Variants in NACAD observed in about 807,000 individuals in gnomAD.
NACAD encodes the protein NAC alpha domain containing.
A neutral mutation model predicts 98.9 loss-of-function variants in NACAD; 47 were observed. The observed-to-expected ratio is 0.48, with a 90% CI of 0.38 to 0.61. NACAD has a LOEUF of 0.61. Among genes scored for constraint, NACAD ranks in the 20% least tolerant of loss-of-function variants. The pLI, the probability that NACAD is intolerant of heterozygous loss-of-function variation, is 0.00. For synonymous variants in NACAD, 696 were observed against 767.2 expected, an observed-to-expected ratio of 0.91 and a Z score of 1.53; for missense variants, 1,412 against 1,748.2, an observed-to-expected ratio of 0.81 and a Z score of 3.43.
Position 45,084,663 on chromosome 7 carries a change from G to A in NACAD, c.1517C>T (p.Ala506Val). 6.4e-7 allele frequency: 1 copy of A among 1,551,422 alleles called. No homozygotes were observed. Among genetic ancestry groups the A allele is most frequent in the Non-Finnish European group, 8.7e-7 (1 of 1,146,944 alleles). The change falls in exon 2 of 8, where the codon GCT becomes GTT. Residue 506 changes from alanine to valine, a missense_variant. Ala to Val is a moderately conservative substitution (Grantham distance 64). This residue lies in a region of NACAD where 638 missense variants were observed against 722.7 expected (regional missense o/e 0.88). Coordinates refer to ENST00000490531, the MANE Select transcript of NACAD (RefSeq NM_001146334.2). ...GGTGGAGTCTGTTTCTTCCTCCCCA[G>A]CCTGTGGGGTCACTCTGGTAGCCAC... ...VEVATRVTPQ[A>V]GEEETDSTAG...
In NACAD at chr7:45,082,913, C is replaced by G. The variant is rs888003278; in HGVS notation, c.3267G>C (p.Gln1089His). 20 of 1,551,032 alleles carry G rather than the reference C, an allele frequency of 1.3e-5. No individual in the cohort carries two copies. Among genetic ancestry groups the G allele is most frequent in the Non-Finnish European group, 1.7e-5 (19 of 1,147,018 alleles). The change falls in exon 2 of 8, where the codon CAG becomes CAC. Residue 1089 changes from glutamine to histidine, a missense_variant. Physicochemically the swap from Gln to His is conservative, Grantham distance 24. This residue lies in a region of NACAD where 572 missense variants were observed against 639.6 expected (regional missense o/e 0.89). Coordinates refer to ENST00000490531, the MANE Select transcript of NACAD (RefSeq NM_001146334.2). The surrounding 1 kb of genome is among the most constrained non-coding windows in gnomAD (Gnocchi z 4.5). ...QQEGGLKPLA[Q>H]EHGPRSALGG... Reference sequence around the variant, plus strand: ...CAAGTGCTGACCTGGGTCCATGTTCCTGTGCCAGTGGCTTCAGGCCTCCTT... The same window carrying G: ...CAAGTGCTGACCTGGGTCCATGTTCGTGTGCCAGTGGCTTCAGGCCTCCTT...
At position 45,080,925 on chromosome 7, in the gene NACAD, G is replaced by T; in HGVS notation, c.4502C>A (p.Pro1501His). The stretch of plus-strand genomic sequence containing the variant: ...TTCCTTGCACTCCAGCCTCACCCGG[G>T]GCCTGGGTGCTGACTCAGGGACCAA... Reference protein sequence around the residue: ...SALVPESAPRPRVRLECKEEE... With the variant: ...SALVPESAPRHRVRLECKEEE... The change falls in exon 6 of 8, where the codon CCC (proline) becomes CAC (histidine). Residue 1501 changes from proline to histidine, a missense_variant. Around this residue, in one of 5 missense-constraint regions of NACAD, gnomAD observed 88 missense variants for 105.4 expected, o/e 0.84. Transcript: ENST00000490531. 6.4e-7 allele frequency: 1 copy of T among 1,554,186 alleles called. No homozygotes were observed.
In NACAD at chr7:45,082,869, G is replaced by A. The variant is rs1784455839; in HGVS notation, c.3311C>T (p.Pro1104Leu). 1 of 1,550,346 alleles carries A rather than the reference G, an allele frequency of 6.5e-7. No homozygotes were observed. Among genetic ancestry groups the A allele is most frequent in the African/African-American group, 1.4e-5 (1 of 73,152 alleles). The change falls in exon 2 of 8, where the codon CCC becomes CTC. Residue 1104 changes from proline (P) to leucine (L), a missense_variant. Transcript: ENST00000490531. This position sits in a 1 kb window ranked among gnomAD's most constrained non-coding sequence, Gnocchi z 4.5. Reference sequence around the variant, plus strand: ...AGGGCAGGCAGCAGGAGGCGCATCGGGGACCTCCCTTGCACCTCCAAGTGC... The same window carrying A: ...AGGGCAGGCAGCAGGAGGCGCATCGAGGACCTCCCTTGCACCTCCAAGTGC... ...RSALGGAREV[P>L]DAPPAACPEV...
Position 45,085,445 on chromosome 7 carries a change from C to T in NACAD, c.735G>A (p.Leu245=), listed in dbSNP as rs555125460. ...ACAGGCCCCAGCCTGAGGGGAAGTC[C>T]AGCCCTTCAGCCGGAGCCAGCAGGC... The part of the protein sequence containing the change: ...SLSLLAPAEG[L]DFPSGWGLSP... The change falls in exon 2 of 8, where the codon CTG becomes CTA. Residue 245 remains leucine (L), a synonymous_variant. Coordinates refer to ENST00000490531, the MANE Select transcript of NACAD (RefSeq NM_001146334.2). The surrounding 1 kb of genome is among the most constrained non-coding windows in gnomAD (Gnocchi z 6.1). The T allele has an allele frequency of 5.8e-5, 90 of 1,549,010 alleles. No individual in the cohort carries two copies. The South Asian group carries it at 1.0e-3, about 18-fold the overall frequency.
In NACAD at chr7:45,081,037, A is replaced by G. The variant is rs1272100498; in HGVS notation, c.4405-15T>C. Reference sequence around the variant, plus strand: ...AGGTCCTCAATCTGCAAAATGGAAGACAGCTGTGTCAGTAGAGCCTGTCCC... The same window carrying G: ...AGGTCCTCAATCTGCAAAATGGAAGGCAGCTGTGTCAGTAGAGCCTGTCCC... On this transcript the variant is annotated splice_polypyrimidine_tract_variant and intron_variant, in intron 5 of 7. Transcript: ENST00000490531. The G allele has an allele frequency of 6.4e-7, 1 of 1,551,146 alleles. No individual in the cohort carries two copies. Among genetic ancestry groups the G allele is most frequent in the African/African-American group, 1.4e-5 (1 of 73,034 alleles).
At chr7:45,081,712 T>G in intron 3 of NACAD, 40 bp from the exon 4 acceptor site, 1 of 1,550,984 alleles carries the variant, frequency 6.4e-7, no homozygotes, top group Non-Finnish European at 8.7e-7. Flanking sequence ...GGGTGGGGTG[T>G]GGGGCCCTCC....
chr7:45,081,292 G>T, intron 4 of NACAD, 29 bp from the exon 5 acceptor site: 3 of 1,549,110 alleles, frequency 1.9e-6, no homozygotes, highest in South Asian at 2.4e-5. Flanking sequence ...GGGGGGCTCA[G>T]ACCTGGTGTT....
Position 45,082,180 on chromosome 7 carries a change from GC to G in NACAD, c.3999del (p.Gln1335ArgfsTer169). 6.6e-7 allele frequency: 1 copy of G among 1,521,964 alleles called. No individual in the cohort carries two copies. The highest frequency in any genetic ancestry group is 8.8e-7 in the Non-Finnish European group (1 of 1,131,830). 94.3% of individuals were successfully genotyped at this position (1,521,964 alleles called of 1,614,324 possible). A position where few individuals can be genotyped will look rare whatever the true frequency, so the allele number is the denominator to read the frequency against. The stretch of plus-strand genomic sequence containing the variant: ...CCTTGAGGGCCAGCTGGGCTCTGGG[GC>G]CCAGAGGGAGGAGGCACTTGGCAAG... ...LPPCQVPPPS[G>X]PQSPAGPQGL... On this transcript the variant is annotated frameshift_variant, in exon 2 of 8. Transcript: ENST00000490531. LOFTEE classifies it high-confidence loss of function. This position sits in a 1 kb window ranked among gnomAD's most constrained non-coding sequence, Gnocchi z 4.5.
chr7:45,087,106 G>C (rs777812682), intron 1 of NACAD, among the ~76,000 whole-genome samples: 29 of 152,184 alleles, frequency 1.9e-4, no homozygotes, highest in Non-Finnish European at 3.5e-4. Context: ...ATAGGAAGTA[G>C]CCCTCATGGG....
rs915374291 is a variant in NACAD at position 45,082,572 on chromosome 7, G to T, written c.3608C>A (p.Thr1203Asn). ...GTTTTCTGGGGGCTGCAGCAAGGGG[G>T]TGCCAAGGACACTGGGTACTTCGTG... Reference protein sequence around the residue: ...QPHEVPSVLGTPLLQPPENLA... With the variant: ...QPHEVPSVLGNPLLQPPENLA... The change falls in exon 2 of 8, where the codon ACC (threonine) becomes AAC (asparagine). Residue 1203 changes from threonine to asparagine, a missense_variant. Transcript: ENST00000490531. The surrounding 1 kb of genome is among the most constrained non-coding windows in gnomAD (Gnocchi z 4.5). The T allele has an allele frequency of 1.3e-6, 2 of 1,545,874 alleles. No individual in the cohort carries two copies. Among genetic ancestry groups the T allele is most frequent in the African/African-American group, 2.7e-5 (2 of 72,976 alleles).
rs564202119 is a variant in NACAD, at chr7:45,086,122, T to C, written c.68-10A>G. The C allele has an allele frequency of 1.1e-4, 169 of 1,534,842 alleles. 2 individuals carry two copies. Among genetic ancestry groups the C allele is most frequent in the Admixed American group, 2.0e-4 (10 of 50,844 alleles). On this transcript the variant is annotated splice_polypyrimidine_tract_variant and intron_variant, in intron 1 of 7. Transcript: ENST00000490531. Reference sequence around the variant, plus strand: ...GCATCGCAGGACAGATCTGTGGAGATAGAGAAGATCATGAGGTGCCCCTGG... The same window carrying C: ...GCATCGCAGGACAGATCTGTGGAGACAGAGAAGATCATGAGGTGCCCCTGG...
Position 45,088,881 on chromosome 7 carries a change from G to C in NACAD, c.14C>G (p.Ala5Gly), listed in dbSNP as rs1009582164. 9.4e-6 allele frequency: 14 copies of C among 1,483,642 alleles called. No individual in the cohort carries two copies. The highest frequency in any genetic ancestry group is 8.7e-5 in the African/African-American group (6 of 69,184). The allele number at this position is 1,483,642 out of a possible 1,614,324, so 91.9% of individuals were successfully genotyped here. A position where few individuals can be genotyped will look rare whatever the true frequency, so the allele number is the denominator to read the frequency against. MPGE[A>G]ARAELLLPEA... ...GGGCAGCAGCAGCTCGGCGCGGGCAGCCTCCCCAGGCATGGCCTGGCCGTG... is the reference window on the plus strand; with the variant it reads ...GGGCAGCAGCAGCTCGGCGCGGGCACCCTCCCCAGGCATGGCCTGGCCGTG... The change falls in exon 1 of 8, where the codon GCT becomes GGT. Residue 5 changes from alanine to glycine, a missense_variant. This residue lies in a region of NACAD where 638 missense variants were observed against 722.7 expected (regional missense o/e 0.88). Transcript: ENST00000490531. The surrounding 1 kb of genome is among the most constrained non-coding windows in gnomAD (Gnocchi z 5.7).
rs75830265 is a variant in NACAD, at chr7:45,086,956, A to G, written c.68-844T>C. On this transcript the variant is annotated intron_variant, in intron 1 of 7. Coordinates refer to ENST00000490531, the MANE Select transcript of NACAD (RefSeq NM_001146334.2). ...CACCAGTTCCTTCCCGGGTGCTGGG[A>G]GTTCCCACCCTGCCCTGTGGGCCTT... Among the ~76,000 whole-genome samples the G allele has an allele frequency of 2.6e-5, 4 of 152,258 alleles. No individual in the cohort carries two copies. In the East Asian group the frequency reaches 7.7e-4, roughly 29 times the overall value.
chr7:45,088,958 C>A lies in NACAD; in HGVS notation c.-64G>T. On this transcript the variant is annotated 5_prime_UTR_variant, in exon 1 of 8. Transcript: ENST00000490531. This position sits in a 1 kb window ranked among gnomAD's most constrained non-coding sequence, Gnocchi z 5.7. ...ACCCTCCGTCAGTCCGTGCCGCCGC[C>A]CCGCCGAGCCTGCGCGGCCACCGCC... The A allele has an allele frequency of 8.1e-7, 1 of 1,240,200 alleles. No homozygotes were observed. The highest frequency in any genetic ancestry group is 2.8e-5 in the South Asian group (1 of 36,064). The allele number at this position is 1,240,200 out of a possible 1,614,324, so 76.8% of individuals were successfully genotyped here.
rs1784468785 is a variant in NACAD at position 45,083,612 on chromosome 7, G to A, written c.2568C>T (p.Ala856=). The A allele has an allele frequency of 1.8e-5, 7 of 385,166 alleles. 1 individual carries two copies. The highest frequency in any genetic ancestry group is 4.3e-6 in the Non-Finnish European group (1 of 234,446). The allele number at this position is 385,166 out of a possible 1,614,324, so 23.9% of individuals were successfully genotyped here. A position where few individuals can be genotyped will look rare whatever the true frequency, so the allele number is the denominator to read the frequency against. The change falls in exon 2 of 8, where the codon GCC becomes GCT. Residue 856 remains alanine, a synonymous_variant. Coordinates refer to ENST00000490531, the MANE Select transcript of NACAD (RefSeq NM_001146334.2). The part of the protein sequence containing the change: ...LPLQDTDLSS[A]PKPVAAATPV... ...GCGTGGCTGCAGCCACAGGCTTTGG[G>A]GCTGACGAGAGATCTGTGTCTTGTA...
Position 45,081,638 on chromosome 7 carries a change from TTGGCGA to T in NACAD, c.4214_4219del (p.Ile1405_Ala1406del), listed in dbSNP as rs941679120. 4.5e-6 allele frequency: 7 copies of T among 1,551,304 alleles called. No homozygotes were observed. The highest frequency in any genetic ancestry group is 6.1e-6 in the Non-Finnish European group (7 of 1,146,992). On this transcript the variant is annotated inframe_deletion, in exon 4 of 8. Transcript: ENST00000490531. Reference sequence around the variant, plus strand: ...CTTCTCACTGCGACTCTGCTTGGCTTTGGCGATGGTCTCCTCACTGCCGCCTGCTGG... The same window carrying T: ...CTTCTCACTGCGACTCTGCTTGGCTTTGGTCTCCTCACTGCCGCCTGCTGG...
rs1784558849 is a variant in NACAD at position 45,088,706 on chromosome 7, G to A, written c.67+122C>T. 3 of 723,034 alleles carry A rather than the reference G, an allele frequency of 4.1e-6. No individual in the cohort carries two copies. Among genetic ancestry groups the A allele is most frequent in the East Asian group, 3.4e-5 (1 of 29,152 alleles). 44.8% of individuals were successfully genotyped at this position (723,034 alleles called of 1,614,324 possible). A position where few individuals can be genotyped will look rare whatever the true frequency, so the allele number is the denominator to read the frequency against. On this transcript the variant is annotated intron_variant, in intron 1 of 7. Coordinates refer to ENST00000490531, the MANE Select transcript of NACAD (RefSeq NM_001146334.2). The surrounding 1 kb of genome is among the most constrained non-coding windows in gnomAD (Gnocchi z 5.7). ...GGAGGGAAGGACAGGGCGCGGAAAG[G>A]GGAGGGGACTCGAGGGGGGCCAGGG...
chr7:45,082,709 T>C lies in NACAD; in HGVS notation c.3471A>G (p.Val1157=). The change falls in exon 2 of 8, where the codon GTA becomes GTG. Residue 1157 remains valine (V), a synonymous_variant. Transcript: ENST00000490531. This position sits in a 1 kb window ranked among gnomAD's most constrained non-coding sequence, Gnocchi z 4.5. ...ASLDSCPESS[V]GAVSSLDRGC... Reference sequence around the variant, plus strand: ...CTCTGTCCAGACTGGACACAGCCCCTACTGAAGACTCTGGGCAGGAGTCCA... The same window carrying C: ...CTCTGTCCAGACTGGACACAGCCCCCACTGAAGACTCTGGGCAGGAGTCCA... The C allele has an allele frequency of 6.6e-7, 1 of 1,524,506 alleles. No individual in the cohort carries two copies. Among genetic ancestry groups the C allele is most frequent in the Non-Finnish European group, 8.8e-7 (1 of 1,134,040 alleles). The allele number at this position is 1,524,506 out of a possible 1,614,324, so 94.4% of individuals were successfully genotyped here. A position where few individuals can be genotyped will look rare whatever the true frequency, so the allele number is the denominator to read the frequency against.
At position 45,086,069 on chromosome 7, in the gene NACAD, C is replaced by T. The variant is rs767343025; in HGVS notation, c.111G>A (p.Gly37=). The change falls in exon 2 of 8, where the codon GGG becomes GGA. Residue 37 remains glycine, a synonymous_variant. Transcript: ENST00000490531. ...TCAGAGCACAGGGCTCCCGCCGGTC[C>T]CCTCCCAGGATGGTGGTGGCAGCGG... ...DAAAATTILG[G]DRREPCALTP... is the part of the protein sequence containing the mutation. 8 of 1,536,236 alleles carry T rather than the reference C, an allele frequency of 5.2e-6. No individual in the cohort carries two copies. In the South Asian group the frequency reaches 9.5e-5, roughly 18 times the overall value.
Sources: allele counts gnomAD v4.1 joint callset (sites outside exome capture counted in the v4.1 genomes callset), GRCh38; gene constraint gnomAD v4.1.1; regional missense constraint gnomAD v4.1.1; non-coding constraint Gnocchi (gnomAD v3.1); transcripts MANE v1.5; gene names NCBI Gene and HGNC (gene_info 2026-07-23, HGNC 2026-07-21).